The following FRAS1 variants were observed in gnomAD, a reference collection of about 807,000 sequenced individuals.
FRAS1 encodes the protein Fraser extracellular matrix complex subunit 1.
FRAS1 carries 290 observed loss-of-function variants against 435.2 expected under a neutral mutation model. The observed-to-expected ratio is 0.67, with a 90% CI of 0.61 to 0.73. The LOEUF (loss-of-function observed/expected upper bound fraction) is 0.73, where lower values mean the gene tolerates loss of function less well. Ranked by LOEUF, FRAS1 falls within the 30% of genes least tolerant of loss-of-function variation. The pLI is 0.00. For missense variants in FRAS1, 4,860 were observed against 5,001.5 expected, an observed-to-expected ratio of 0.97 and a Z score of 0.85; for synonymous variants, 1,800 against 1,851.0, an observed-to-expected ratio of 0.97 and a Z score of 0.71.
At position 78,446,737 on chromosome 4, in the gene FRAS1, A is replaced by G. The variant is rs555806571; in HGVS notation, c.5867A>G (p.Asp1956Gly). The change falls in exon 43 of 74, where the codon GAT (aspartate) becomes GGT (glycine). Residue 1956 changes from aspartate (D) to glycine (G), a missense_variant. Transcript: ENST00000512123. ...TTATGCTTTAATCAGAGGAAGAACG[A>G]TGAGCCTCCCAGGATGACCTTGCAG... ...SINITIERKN[D>G]EPPRMTLQPL... is the part of the protein sequence containing the mutation. The G allele has an allele frequency of 4.3e-6, 7 of 1,612,898 alleles. No homozygotes were observed. In the South Asian group the frequency reaches 7.7e-5, roughly 18 times the overall value.
At position 78,218,098 on chromosome 4, in the gene FRAS1, T is replaced by TCTCACACACA. The variant is rs368430185; in HGVS notation, c.109-19411_109-19410insTCACACACAC. On this transcript the variant is annotated intron_variant, in intron 2 of 73. Transcript: ENST00000512123. ...CCTTCTCTCTCTCTCTCACTCTCTC[T>TCTCACACACA]CACACACACACACACACACACACAC... Among the ~76,000 whole-genome samples the TCTCACACACA allele has an allele frequency of 7.9e-3, 312 of 39,732 alleles. 12 individuals are homozygous for TCTCACACACA. The highest frequency in any genetic ancestry group is 0.04 in the Middle Eastern group (2 of 50). The allele number at this position is 39,732 out of a possible 152,430, so 26.1% of individuals were successfully genotyped here.
intron 37 of FRAS1, among the ~76,000 whole-genome samples, 170 bp from the exon 38 acceptor site, chr4:78,432,187 T>A (rs1452656412): frequency 6.6e-6 from 1 of 152,220 alleles, no homozygotes; most frequent in East Asian, 1.9e-4. Flanking sequence ...TTACCCTTTT[T>A]CAACGGTGGT....
chr4:78,229,062 G>A (rs532019036), intron 2 of FRAS1, among the ~76,000 whole-genome samples: 2 of 152,272 alleles, frequency 1.3e-5, no homozygotes, highest in African/African-American at 4.8e-5. Context: ...CATAAACCAA[G>A]CCTGTGGGTA....
Position 78,445,673 on chromosome 4 carries a change from C to A in FRAS1, c.5817C>A (p.Thr1939=). ...DIFSFYVSDG[T]SRSEIHSINI... is the part of the protein sequence containing the mutation. The stretch of plus-strand genomic sequence containing the variant: ...TTAGTTTTTATGTGAGTGATGGAAC[C>A]AGTCGTTCAGAAATTCACAGCATCA... The change falls in exon 42 of 74, where the codon ACC becomes ACA. Residue 1939 remains threonine, a synonymous_variant. Transcript: ENST00000512123. 3 of 1,613,814 alleles carry A rather than the reference C, an allele frequency of 1.9e-6. No individual in the cohort carries two copies. Among genetic ancestry groups the A allele is most frequent in the Non-Finnish European group, 2.5e-6 (3 of 1,179,784 alleles).
At chr4:78,499,418 T>G (rs1720609630) in intron 60 of FRAS1, among the ~76,000 whole-genome samples, 1 of 152,230 alleles carries the variant, frequency 6.6e-6, no homozygotes, top group African/African-American at 2.4e-5. Flanking sequence ...TGAACTGTAG[T>G]GCCGAGTTGG....
At chr4:78,375,046 G>A (rs988943395) in intron 25 of FRAS1, among the ~76,000 whole-genome samples, 11 of 152,086 alleles carry the variant, frequency 7.2e-5, no homozygotes, top group African/African-American at 1.9e-4. Flanking sequence ...AAACTATACC[G>A]TATAGCCTCT....
At chr4:78,098,171 C>T (rs1741912623) in intron 2 of FRAS1, among the ~76,000 whole-genome samples, 1 of 152,040 alleles carries the variant, frequency 6.6e-6, no homozygotes. Context: ...TGTCTTGGGT[C>T]CTCTTTTGCC....
rs757358041 is a variant in FRAS1, at chr4:78,267,443, G to C, written c.981+11G>C. The C allele has an allele frequency of 1.2e-6, 2 of 1,611,062 alleles. No homozygotes were observed. Among genetic ancestry groups the C allele is most frequent in the South Asian group, 2.2e-5 (2 of 90,406 alleles). On this transcript the variant is annotated intron_variant, in intron 9 of 73. Coordinates refer to ENST00000512123, the MANE Select transcript of FRAS1 (RefSeq NM_025074.7). ...GTGGAGTGTGCCCGGGTAAGAAGCA[G>C]GGGCATTTCCATTTGGAACGTTGCA...
At chr4:78,229,286 G>A (rs1318835084) in intron 2 of FRAS1, among the ~76,000 whole-genome samples, 1 of 151,590 alleles carries the variant, frequency 6.6e-6, no homozygotes, top group African/African-American at 2.4e-5. Context: ...TTGGGACCCA[G>A]AGGTGCCCTC....
chr4:78,196,754 C>T (rs1486523514), intron 2 of FRAS1, among the ~76,000 whole-genome samples: 8 of 152,036 alleles, frequency 5.3e-5, no homozygotes, highest in African/African-American at 1.7e-4. Flanking sequence ...AAAAGAAAAA[C>T]GTATGTGAAG....
At chr4:78,498,868 G>C (rs575897630) in intron 60 of FRAS1, among the ~76,000 whole-genome samples, 5 of 47,708 alleles carry the variant, frequency 1.0e-4, no homozygotes, top group African/African-American at 1.3e-4. Flanking sequence ...ATTTATTTGA[G>C]ATGGAGTTTT....
chr4:78,400,126 G>T (rs944654566), intron 29 of FRAS1, among the ~76,000 whole-genome samples: 2 of 152,132 alleles, frequency 1.3e-5, no homozygotes, highest in African/African-American at 4.8e-5. Context: ...CCTCTGTCTG[G>T]AATATGTTTC....
At chr4:78,326,601 T>A (rs941276401) in intron 18 of FRAS1, among the ~76,000 whole-genome samples, 3 of 152,050 alleles carry the variant, frequency 2.0e-5, no homozygotes, top group Admixed American at 2.0e-4. Flanking sequence ...AGAAAAGATA[T>A]CTCCTAGGTA....
chr4:78,085,857 A>C (rs1392338271), intron 2 of FRAS1, among the ~76,000 whole-genome samples: 1 of 152,156 alleles, frequency 6.6e-6, no homozygotes. Context: ...TCAACATTAG[A>C]CAGATCAACG....
intron 51 of FRAS1, 120 bp downstream of exon 51, chr4:78,470,211 C>A (rs1284138181): frequency 3.1e-6 from 2 of 639,820 alleles, no homozygotes; most frequent in Non-Finnish European, 5.5e-6. Flanking sequence ...CCTAAATAAA[C>A]TGATTTTCCT....
At chr4:78,163,336 G>A (rs1307320606) in intron 2 of FRAS1, among the ~76,000 whole-genome samples, 1 of 151,688 alleles carries the variant, frequency 6.6e-6, no homozygotes, top group Non-Finnish European at 1.5e-5. Context: ...TCTCCCTATT[G>A]TAAGAAAAGT....
At chr4:78,222,944 T>C (rs1307221921) in intron 2 of FRAS1, among the ~76,000 whole-genome samples, 1 of 152,186 alleles carries the variant, frequency 6.6e-6, no homozygotes, top group Non-Finnish European at 1.5e-5. Flanking sequence ...ACCAGAAGTG[T>C]AATTGCTCTG....
chr4:78,088,036 CTGGTACTGGTACGAAACAGCA>C (rs959644003), intron 2 of FRAS1, among the ~76,000 whole-genome samples: 71 of 152,258 alleles, frequency 4.7e-4, no homozygotes, highest in African/African-American at 1.7e-3. Context: ...TACTACAAGG[CTGGTACTGGTACGAAACAGCA>C]TGGTACTGGT....
chr4:78,310,987 G>A lies in FRAS1; in HGVS notation c.1678+2778G>A, dbSNP rs114872426. On this transcript the variant is annotated intron_variant, in intron 15 of 73. Coordinates refer to ENST00000512123, the MANE Select transcript of FRAS1 (RefSeq NM_025074.7). ...TCTTACAGTAACCAGGTTCACCTGTGGTACGTGTATTGCGTTCAACAAATA... is the reference window on the plus strand; with the variant it reads ...TCTTACAGTAACCAGGTTCACCTGTAGTACGTGTATTGCGTTCAACAAATA... 6.9e-3 allele frequency among the ~76,000 whole-genome samples: 1,049 copies of A among 152,216 alleles called. 12 individuals carry two copies. The highest frequency in any genetic ancestry group is 0.024 in the African/African-American group (979 of 41,566).
Sources: allele counts gnomAD v4.1 joint callset (sites outside exome capture counted in the v4.1 genomes callset), GRCh38; gene constraint gnomAD v4.1.1; transcripts MANE v1.5; gene names NCBI Gene and HGNC (gene_info 2026-07-23, HGNC 2026-07-21).